The following JAZF1 variants were observed in gnomAD, a reference collection of about 807,000 sequenced individuals.
The protein encoded by JAZF1 is juxtaposed with another zinc finger protein 1.
JAZF1 carries 8 observed loss-of-function variants against 26.4 expected under a neutral mutation model. The ratio of observed to expected loss-of-function variants is 0.30; its 90% CI spans 0.18 to 0.55. JAZF1 has a LOEUF of 0.55. JAZF1 is among the 20% of genes least tolerant of loss of function. JAZF1 has a pLI of 0.94. For missense variants in JAZF1, 199 were observed against 322.0 expected, an observed-to-expected ratio of 0.62 and a Z score of 2.92; for synonymous variants, 126 against 122.3, an observed-to-expected ratio of 1.03 and a Z score of -0.20.
chr7:28,123,256 C>T (rs1782633818), intron 1 of JAZF1, among the ~76,000 whole-genome samples: 1 of 152,182 alleles, frequency 6.6e-6, no homozygotes, highest in South Asian at 2.1e-4. Context: ...TCAATCCCTA[C>T]CACTCACCCC....
intron 3 of JAZF1, among the ~76,000 whole-genome samples, chr7:27,860,999 C>T (rs1352355886): frequency 6.6e-6 from 1 of 152,216 alleles, no homozygotes; most frequent in Non-Finnish European, 1.5e-5. Context: ...TTCCCTTTTC[C>T]TCTCCCCACA....
At chr7:27,912,129 T>C (rs1025845401) in intron 2 of JAZF1, among the ~76,000 whole-genome samples, 1 of 152,184 alleles carries the variant, frequency 6.6e-6, no homozygotes, top group African/African-American at 2.4e-5. Context: ...GTAGCTCAAA[T>C]TCCATTTCAA....
chr7:27,970,917 C>G (rs776789945), intron 2 of JAZF1, among the ~76,000 whole-genome samples: 3 of 152,160 alleles, frequency 2.0e-5, no homozygotes, highest in African/African-American at 7.2e-5. Context: ...AAAGGGCTCC[C>G]ACAACCTCCC....
intron 2 of JAZF1, among the ~76,000 whole-genome samples, chr7:27,898,968 G>A (rs760066419): frequency 3.3e-5 from 5 of 151,634 alleles, no homozygotes; most frequent in Admixed American, 6.6e-5. Context: ...CACACCACCC[G>A]CCCCCACAAA....
intron 1 of JAZF1, among the ~76,000 whole-genome samples, chr7:28,047,901 A>C (rs971698875): frequency 3.9e-5 from 6 of 152,262 alleles, no homozygotes; most frequent in African/African-American, 1.4e-4. Context: ...TTTCTTGATC[A>C]TATTCTTGTC....
In JAZF1 at chr7:27,832,603, G is replaced by A. The variant is rs912675437; in HGVS notation, c.*197C>T. 2.8e-5 allele frequency: 12 copies of A among 421,066 alleles called. No homozygotes were observed. The highest frequency in any genetic ancestry group is 6.3e-4 in the Middle Eastern group (1 of 1,600). The allele number at this position is 421,066 out of a possible 1,614,324, so 26.1% of individuals were successfully genotyped here. A position where few individuals can be genotyped will look rare whatever the true frequency, so the allele number is the denominator to read the frequency against. On this transcript the variant is annotated 3_prime_UTR_variant, in exon 5 of 5. Coordinates refer to ENST00000283928, the MANE Select transcript of JAZF1 (RefSeq NM_175061.4). ...ATATCAAAGTAATGAAAATGGGTAT[G>A]ATGATTACATGTGCAAATGTACAAA...
At chr7:28,094,852 T>A (rs143901728) in intron 1 of JAZF1, among the ~76,000 whole-genome samples, 18 of 152,266 alleles carry the variant, frequency 1.2e-4, no homozygotes, top group African/African-American at 4.3e-4. Flanking sequence ...GTTTTAACAA[T>A]GCCCTCTTTC....
At chr7:27,963,723 GT>G (rs1785225910) in intron 2 of JAZF1, among the ~76,000 whole-genome samples, 3 of 764 alleles carry the variant, frequency 3.9e-3, no homozygotes, top group South Asian at 0.2. Flanking sequence ...CACCACACCG[GT>G]TTTGTTTTGT....
chr7:28,118,113 A>G (rs1368024835), intron 1 of JAZF1: 2 of 152,228 alleles, frequency 1.3e-5, no homozygotes, highest in East Asian at 3.8e-4. Context: ...TCATAAGGAT[A>G]AAAATATAAA....
At chr7:28,098,292 C>T (rs140624642) in intron 1 of JAZF1, among the ~76,000 whole-genome samples, 44 of 152,220 alleles carry the variant, frequency 2.9e-4, no homozygotes, top group African/African-American at 8.9e-4. Flanking sequence ...GGAAGTGAAT[C>T]GGCCAGCACC....
At chr7:28,163,929 C>T (rs1284689673) in intron 1 of JAZF1, among the ~76,000 whole-genome samples, 1 of 152,252 alleles carries the variant, frequency 6.6e-6, no homozygotes, top group Non-Finnish European at 1.5e-5. Flanking sequence ...AAGAAACATA[C>T]TTCCTTGACC....
chr7:27,928,584 T>C (rs575164075), intron 2 of JAZF1, among the ~76,000 whole-genome samples: 6 of 152,328 alleles, frequency 3.9e-5, no homozygotes, highest in Admixed American at 2.0e-4. Flanking sequence ...ATCTTAGGTA[T>C]TGTGCAAGTA....
intron 2 of JAZF1, among the ~76,000 whole-genome samples, chr7:27,948,646 A>G (rs1034587160): frequency 2.0e-5 from 3 of 152,216 alleles, no homozygotes; most frequent in Non-Finnish European, 4.4e-5. Context: ...AGGAACAGAA[A>G]CACAGTAACC....
chr7:28,156,594 C>T (rs568558274), intron 1 of JAZF1, among the ~76,000 whole-genome samples: 163 of 152,224 alleles, frequency 1.1e-3, no homozygotes, highest in Non-Finnish European at 1.9e-3. Flanking sequence ...CAGAGGTTCC[C>T]AAGAGTGTAT....
In JAZF1 at chr7:27,975,599, C is replaced by T. The variant is rs183258930; in HGVS notation, c.188+16310G>A. On this transcript the variant is annotated intron_variant, in intron 2 of 4. Transcript: ENST00000283928. Reference sequence around the variant, plus strand: ...GATAATGAAAGTACAGCAGCTCTTGCTTATGACAAAGTCCAGGAAAAGGCT... The same window carrying T: ...GATAATGAAAGTACAGCAGCTCTTGTTTATGACAAAGTCCAGGAAAAGGCT... 4.7e-3 allele frequency among the ~76,000 whole-genome samples: 710 copies of T among 152,210 alleles called. 4 individuals are homozygous for T. Among genetic ancestry groups the T allele is most frequent in the Admixed American group, 8.2e-3 (125 of 15,298 alleles).
chr7:28,081,415 C>T lies in JAZF1; in HGVS notation c.116-89434G>A, dbSNP rs117840383. ...GCAAGAGGGAGAGCATCCAGCACTT[C>T]GGGGCACCAGATGCTTTTTCTAAGG... is the stretch of plus-strand genomic sequence containing the variant. On this transcript the variant is annotated intron_variant, in intron 1 of 4. Transcript: ENST00000283928. 6.2e-4 allele frequency among the ~76,000 whole-genome samples: 95 copies of T among 152,312 alleles called. 1 individual carries two copies. In the East Asian group the frequency reaches 0.015, roughly 24 times the overall value.
chr7:28,005,700 A>G (rs1388724352), intron 1 of JAZF1, among the ~76,000 whole-genome samples: 2 of 152,092 alleles, frequency 1.3e-5, no homozygotes, highest in Admixed American at 1.3e-4. Flanking sequence ...TATTCATTCT[A>G]CTTGCTAATG....
intron 1 of JAZF1, among the ~76,000 whole-genome samples, chr7:28,168,567 C>T (rs1358614798): frequency 1.3e-5 from 2 of 152,134 alleles, no homozygotes; most frequent in Non-Finnish European, 2.9e-5. Context: ...CAGTCTCTGC[C>T]ACGCCCCACT....
intron 2 of JAZF1, among the ~76,000 whole-genome samples, chr7:27,954,893 G>T (rs1287954905): frequency 2.6e-5 from 4 of 152,166 alleles, no homozygotes; most frequent in African/African-American, 4.8e-5. Context: ...GAGTAGCTGG[G>T]ATTACAGGTA....
Sources: allele counts gnomAD v4.1 joint callset (sites outside exome capture counted in the v4.1 genomes callset), GRCh38; gene constraint gnomAD v4.1.1; transcripts MANE v1.5; gene names NCBI Gene and HGNC (gene_info 2026-07-23, HGNC 2026-07-21).